RNF17: variants seen among roughly 807,000 people sequenced by gnomAD.
The protein encoded by RNF17 is ring finger protein 17.
A neutral mutation model predicts 200.5 loss-of-function variants in RNF17; 31 were observed. The ratio of observed to expected loss-of-function variants is 0.15; its 90% CI spans 0.12 to 0.21. RNF17 has a LOEUF of 0.21. RNF17 is among the 10% of genes least tolerant of loss of function. The pLI, the probability that RNF17 is intolerant of heterozygous loss-of-function variation, is 1.00. For missense variants in RNF17, 1,628 were observed against 1,905.1 expected (o/e 0.85, Z 2.71); for synonymous variants, 606 against 637.8 (o/e 0.95, Z 0.75).
intron 30 of RNF17, among the ~76,000 whole-genome samples, chr13:24,867,860 G>A (rs913371590): frequency 7.9e-5 from 9 of 113,416 alleles, no homozygotes; most frequent in Admixed American, 6.7e-4. Context: ...TTTTCTTTTA[G>A]CATTTCATGC....
At chr13:24,867,976 A>T (rs1203494166) in intron 30 of RNF17, among the ~76,000 whole-genome samples, 1 of 152,242 alleles carries the variant, frequency 6.6e-6, no homozygotes. Flanking sequence ...CCCAGCCCTC[A>T]TTAGTGGCAG....
At chr13:24,852,241 C>A (rs1197035485) in intron 24 of RNF17, among the ~76,000 whole-genome samples, 3 of 151,754 alleles carry the variant, frequency 2.0e-5, no homozygotes, top group Admixed American at 6.6e-5. Flanking sequence ...CAGGTTCACG[C>A]CATTCTCCTG....
chr13:24,883,406 A>AAAAT (rs1555294523), downstream of RNF17: 3 of 1,451,714 alleles, frequency 2.1e-6, no homozygotes, highest in East Asian at 2.5e-5. Flanking sequence ...TCTTAAAAAA[A>AAAAT]AAATAATAGA....
In RNF17 at chr13:24,812,148, C is replaced by T. The variant is rs1381036335; in HGVS notation, c.2091+7719C>T. 1.4e-5 allele frequency among the ~76,000 whole-genome samples: 2 copies of T among 145,416 alleles called. 1 individual carries two copies. The highest frequency in any genetic ancestry group is 3.1e-5 in the Non-Finnish European group (2 of 65,428). ...GAGCCTATAGAGGCAGGCACGTCTC[C>T]TTGAGCTGTGGTGGGCTCCACCCAG... On this transcript the variant is annotated intron_variant, in intron 15 of 35. Transcript: ENST00000255324.
chr13:24,854,486 A>G (rs988093127), intron 25 of RNF17, among the ~76,000 whole-genome samples: 1 of 151,684 alleles, frequency 6.6e-6, no homozygotes, highest in Non-Finnish European at 1.5e-5. Context: ...TTTAATGAAC[A>G]CTTACTGAGT....
intron 26 of RNF17, among the ~76,000 whole-genome samples, chr13:24,860,809 T>A (rs1156620984): frequency 6.6e-6 from 1 of 152,060 alleles, no homozygotes; most frequent in African/African-American, 2.4e-5. Flanking sequence ...CACTATTGGA[T>A]GAGGGAATAA....
At chr13:24,863,698 C>A (rs1199719612) in intron 28 of RNF17, among the ~76,000 whole-genome samples, 2 of 152,198 alleles carry the variant, frequency 1.3e-5, no homozygotes, top group African/African-American at 4.8e-5. Flanking sequence ...GTCTCCATGG[C>A]AAGTCACTGA....
chr13:24,885,244 T>G, the RNF17 span: 1 of 1,368,262 alleles, frequency 7.3e-7, no homozygotes, highest in Non-Finnish European at 1.0e-6. Context: ...TTATTTTTTA[T>G]AGAATTCATT....
At chr13:24,822,263 C>T (rs1448990758) in intron 15 of RNF17, among the ~76,000 whole-genome samples, 2 of 152,114 alleles carry the variant, frequency 1.3e-5, no homozygotes, top group Non-Finnish European at 2.9e-5. Flanking sequence ...CCATTTTGAA[C>T]AGGATTGGCG....
At chr13:24,884,266 T>C (rs1238390628), downstream of RNF17, 3 of 1,613,982 alleles carry the variant, frequency 1.9e-6, no homozygotes, top group Admixed American at 1.7e-5. Context: ...ACACAGTCAG[T>C]CTGCCTTTTC....
chr13:24,796,014 G>A (rs1340806721), intron 10 of RNF17, 123 bp from the exon 11 acceptor site: 2 of 579,410 alleles, frequency 3.5e-6, no homozygotes, highest in Non-Finnish European at 2.8e-6. Flanking sequence ...GGGCCGACGT[G>A]CGATATTCCC....
intron 16 of RNF17, among the ~76,000 whole-genome samples, chr13:24,827,226 C>A (rs138363958): frequency 0.017 from 2,608 of 152,096 alleles, 75 homozygotes; most frequent in African/African-American, 0.059. Flanking sequence ...AGCCACTGTG[C>A]CGGGCAATTT....
Position 24,812,687 on chromosome 13 carries a change from T to TCCCCCCCCCCC in RNF17, c.2091+8258_2091+8259insCCCCCCCCCCC, listed in dbSNP as rs1566168476. 3.6e-4 allele frequency among the ~76,000 whole-genome samples: 9 copies of TCCCCCCCCCCC among 24,774 alleles called. 3 individuals carry two copies. Among genetic ancestry groups the TCCCCCCCCCCC allele is most frequent in the East Asian group, 2.5e-3 (2 of 790 alleles). The allele number at this position is 24,774 out of a possible 152,430, so 16.3% of individuals were successfully genotyped here. The stretch of plus-strand genomic sequence containing the variant: ...CCTCCCCTCCCCGCCCCACCCCCTT[T>TCCCCCCCCCCC]TTTTTTTTTTTTGAGACGCAGTCTC... On this transcript the variant is annotated intron_variant, in intron 15 of 35. Transcript: ENST00000255324.
intron 6 of RNF17, among the ~76,000 whole-genome samples, chr13:24,782,611 G>GC (rs1555265940): frequency 2.0e-5 from 3 of 150,862 alleles, no homozygotes; most frequent in Admixed American, 1.3e-4. Flanking sequence ...GAGATGGGGG[G>GC]GGGATCTTTG....
chr13:24,763,442 C>T (rs1051663306), upstream of RNF17, among the ~76,000 whole-genome samples: 4 of 145,514 alleles, frequency 2.7e-5, no homozygotes, highest in African/African-American at 1.0e-4. Context: ...TGGTCTCGAT[C>T]TCCTGACCTC....
rs112184580 is a variant in RNF17 at position 24,827,722 on chromosome 13, A to C, written c.2245+1950A>C. Among the ~76,000 whole-genome samples the C allele has an allele frequency of 6.8e-3, 1,003 of 146,826 alleles. 43 individuals are homozygous for C. Among genetic ancestry groups the C allele is most frequent in the East Asian group, 0.047 (236 of 5,056 alleles). ...GTCTCAAAAAAAAAAAAAAAACAAAAAAAAAAAAACAATAGAAATTTACTT... is the reference window on the plus strand; with the variant it reads ...GTCTCAAAAAAAAAAAAAAAACAAACAAAAAAAAACAATAGAAATTTACTT... On this transcript the variant is annotated intron_variant, in intron 16 of 35. Coordinates refer to ENST00000255324, the MANE Select transcript of RNF17 (RefSeq NM_031277.3).
intron 15 of RNF17, among the ~76,000 whole-genome samples, chr13:24,809,676 C>T (rs1886354056): frequency 6.6e-6 from 1 of 152,096 alleles, no homozygotes; most frequent in African/African-American, 2.4e-5. Context: ...TTCTTGCCTT[C>T]TGCTAGCTTT....
chr13:24,802,253 C>T, intron 13 of RNF17, 128 bp from the exon 14 acceptor site: 1 of 757,708 alleles, frequency 1.3e-6, no homozygotes. Flanking sequence ...CTGGCTGTTT[C>T]CTAATGTCTG....
rs775147671 is a variant in RNF17 at position 24,870,710 on chromosome 13, C to T, written c.4418C>T (p.Ala1473Val). 13 of 1,614,018 alleles carry T rather than the reference C, an allele frequency of 8.1e-6. No homozygotes were observed. Among genetic ancestry groups the T allele is most frequent in the Admixed American group, 3.3e-5 (2 of 60,006 alleles). The change falls in exon 32 of 36, where the codon GCG (alanine) becomes GTG (valine). Residue 1473 changes from alanine to valine, a missense_variant. Ala to Val is a moderately conservative substitution (Grantham distance 64). Transcript: ENST00000255324. ...ALQRVNKKVE[A>V]LPPLTDFRTE... ...CAGAGGGTTAATAAGAAGGTAGAGGCGCTTCCTCCTCTGACGGATTTTAGA... is the reference window on the plus strand; with the variant it reads ...CAGAGGGTTAATAAGAAGGTAGAGGTGCTTCCTCCTCTGACGGATTTTAGA...
Sources: allele counts gnomAD v4.1 joint callset (sites outside exome capture counted in the v4.1 genomes callset), GRCh38; gene constraint gnomAD v4.1.1; transcripts MANE v1.5; gene names NCBI Gene and HGNC (gene_info 2026-07-23, HGNC 2026-07-21).